The following TENM1 variants were observed in gnomAD, a reference collection of about 807,000 sequenced individuals.
The protein encoded by TENM1 is teneurin-1.
Under a neutral mutation model 174.8 loss-of-function variants are expected in TENM1, and 35 were observed. That is an observed-to-expected ratio of 0.20 (90% CI 0.15 to 0.27). The LOEUF (loss-of-function observed/expected upper bound fraction) is 0.27, where lower values mean the gene tolerates loss of function less well. Among genes scored for constraint, TENM1 ranks in the 10% least tolerant of loss-of-function variants. The pLI, the probability that TENM1 is intolerant of heterozygous loss-of-function variation, is 1.00. For synonymous variants in TENM1, 781 were observed against 798.7 expected (o/e 0.98, Z 0.37); for missense variants, 1,633 against 2,130.1 (o/e 0.77, Z 4.59).
At chrX:124,564,726 T>A (rs771011621) in intron 12 of TENM1, among the ~76,000 whole-genome samples, 85 of 112,238 alleles carry the variant, frequency 7.6e-4, no homozygotes, top group African/African-American at 2.7e-3. Context: ...TCTTTTATAG[T>A]GTGAAGATCA....
chrX:125,026,560 C>T, the TENM1 span, among the ~76,000 whole-genome samples: 1 of 111,306 alleles, frequency 9.0e-6, no homozygotes. Flanking sequence ...TGTGTAACTA[C>T]GATACAAAAA....
At chrX:124,644,669 G>A (rs1202458532) in intron 10 of TENM1, among the ~76,000 whole-genome samples, 1 of 110,636 alleles carries the variant, frequency 9.0e-6, no homozygotes, top group African/African-American at 3.3e-5. Context: ...TCAGCATGAG[G>A]TATGTAAAAA....
In TENM1 at chrX:124,613,483, T is replaced by C. The variant is rs1171715099; in HGVS notation, c.2077+28308A>G. ...TTAAAAAATCATGTCTTTGAAAATTTAGATAGAACCCAGGGACAAAATGAA... is the reference window on the plus strand; with the variant it reads ...TTAAAAAATCATGTCTTTGAAAATTCAGATAGAACCCAGGGACAAAATGAA... On this transcript the variant is annotated intron_variant, in intron 11 of 31. Transcript: ENST00000422452. Among the ~76,000 whole-genome samples the C allele has an allele frequency of 3.6e-5, 4 of 111,919 alleles. No homozygotes were observed. The East Asian group carries it at 1.1e-3, about 31-fold the overall frequency.
intron 14 of TENM1, among the ~76,000 whole-genome samples, chrX:124,560,191 T>TTGTGTGTGTGTGTGTGTG (rs375476919): frequency 1.1e-5 from 1 of 88,212 alleles, no homozygotes; most frequent in African/African-American, 4.2e-5. Flanking sequence ...TCTCTTCTAT[T>TTGTGTGTGTGTGTGTGTG]TGTGTGTGTG....
chrX:124,807,877 TTACA>T (rs2055649168), intron 3 of TENM1, among the ~76,000 whole-genome samples: 1 of 35,497 alleles, frequency 2.8e-5, no homozygotes, highest in Admixed American at 3.7e-4. Context: ...AGAAAATCAC[TTACA>T]CACACACACA....
the TENM1 span, among the ~76,000 whole-genome samples, chrX:125,173,938 G>A: frequency 8.9e-6 from 1 of 111,844 alleles, no homozygotes; most frequent in Non-Finnish European, 1.9e-5. Context: ...TAAGCTCATG[G>A]CAGTGGTACA....
At chrX:124,768,225 T>A (rs2054575844) in intron 3 of TENM1, among the ~76,000 whole-genome samples, 1 of 112,458 alleles carries the variant, frequency 8.9e-6, no homozygotes, top group African/African-American at 3.2e-5. Context: ...GTCTGAGGAC[T>A]CTACTGTTGT....
intron 5 of TENM1, among the ~76,000 whole-genome samples, chrX:124,691,769 ATCTT>A (rs2052529508): frequency 9.0e-6 from 1 of 110,917 alleles, no homozygotes. Context: ...TTTCTGCTAT[ATCTT>A]TCTTATTTCC....
chrX:124,924,680 G>T (rs969824650), intron 1 of TENM1, among the ~76,000 whole-genome samples: 6 of 111,951 alleles, frequency 5.4e-5, no homozygotes, highest in African/African-American at 1.6e-4. Context: ...GTGGGACAAT[G>T]GCTTAACCTT....
the TENM1 span, among the ~76,000 whole-genome samples, chrX:125,172,969 G>A: frequency 9.0e-6 from 1 of 111,177 alleles, no homozygotes; most frequent in African/African-American, 3.3e-5. Flanking sequence ...TGAGGGTGCC[G>A]ACATCTGGCT....
chrX:124,708,744 T>C (rs2052972187), intron 4 of TENM1, among the ~76,000 whole-genome samples: 1 of 111,584 alleles, frequency 9.0e-6, no homozygotes, highest in Admixed American at 9.6e-5. Flanking sequence ...AAAGTACATA[T>C]GTTCAAGGAA....
rs750598821 is a variant in TENM1, at chrX:124,613,965, G to A, written c.2077+27826C>T. On this transcript the variant is annotated intron_variant, in intron 11 of 31. Coordinates refer to ENST00000422452, the Ensembl canonical transcript of TENM1. Reference sequence around the variant, plus strand: ...GGTGCCTAGAATGCCCTGTCTACATGGCCCTAAGCCTACTTTCAGGGCCTA... The same window carrying A: ...GGTGCCTAGAATGCCCTGTCTACATAGCCCTAAGCCTACTTTCAGGGCCTA... 3.6e-5 allele frequency among the ~76,000 whole-genome samples: 4 copies of A among 111,694 alleles called. No homozygotes were observed. In the Admixed American group the frequency reaches 3.8e-4, roughly 11 times the overall value.
chrX:125,197,434 G>A, the TENM1 span, among the ~76,000 whole-genome samples: 3 of 111,890 alleles, frequency 2.7e-5, no homozygotes, highest in Non-Finnish European at 5.7e-5. Flanking sequence ...TGAGTAAACA[G>A]TGGAAGCTGG....
At chrX:124,837,250 G>A (rs1569460011) in intron 3 of TENM1, among the ~76,000 whole-genome samples, 3 of 111,596 alleles carry the variant, frequency 2.7e-5, no homozygotes, top group Admixed American at 9.5e-5. Flanking sequence ...CACCATGCCC[G>A]GCTAATTTCT....
At chrX:124,984,275 T>C in the TENM1 span, among the ~76,000 whole-genome samples, 1 of 112,139 alleles carries the variant, frequency 8.9e-6, no homozygotes, top group Non-Finnish European at 1.9e-5. Flanking sequence ...CCAAGGTTAC[T>C]TGATCTGTCT....
chrX:124,899,875 T>C (rs763823535), intron 1 of TENM1, among the ~76,000 whole-genome samples: 66 of 112,182 alleles, frequency 5.9e-4, no homozygotes, highest in African/African-American at 2.0e-3. Flanking sequence ...CCCACTACTA[T>C]GGCTAAAAAA....
the TENM1 span, among the ~76,000 whole-genome samples, chrX:125,155,162 G>A: frequency 9.0e-6 from 1 of 111,071 alleles, no homozygotes; most frequent in Non-Finnish European, 1.9e-5. Context: ...GGTTGTCCAC[G>A]TCCCCACCAG....
At chrX:124,736,486 C>CT (rs369427879) in intron 4 of TENM1, among the ~76,000 whole-genome samples, 88 of 103,000 alleles carry the variant, frequency 8.5e-4, no homozygotes, top group East Asian at 4.5e-3. Context: ...GAGGCTGATC[C>CT]TTTTTTTTTT....
At chrX:125,115,671 C>T in the TENM1 span, among the ~76,000 whole-genome samples, 4,140 of 110,855 alleles carry the variant, frequency 0.037, 204 homozygotes, top group African/African-American at 0.13. Context: ...CCTAGGAATA[C>T]AACTTACAAG....
Sources: allele counts gnomAD v4.1 joint callset (sites outside exome capture counted in the v4.1 genomes callset), GRCh38; gene constraint gnomAD v4.1.1; transcripts MANE v1.5; gene names NCBI Gene and HGNC (gene_info 2026-07-23, HGNC 2026-07-21).